Variants in GLIS3 observed in about 807,000 individuals in gnomAD.
GLIS3 encodes the protein zinc finger protein GLIS3.
Under a neutral mutation model 78.6 loss-of-function variants are expected in GLIS3, and 53 were observed. The ratio of observed to expected loss-of-function variants is 0.67; its 90% CI spans 0.54 to 0.85. GLIS3 has a LOEUF of 0.85. GLIS3 is among the 40% of genes least tolerant of loss of function. GLIS3 has a pLI of 0.00. For missense variants in GLIS3, 1,703 were observed against 1,231.1 expected, an observed-to-expected ratio of 1.38 and a Z score of -5.74; for synonymous variants, 684 against 509.9, an observed-to-expected ratio of 1.34 and a Z score of -4.60.
intron 2 of GLIS3, among the ~76,000 whole-genome samples, chr9:4,328,535 A>G (rs535366382): frequency 2.0e-5 from 3 of 152,220 alleles, no homozygotes; most frequent in Admixed American, 6.5e-5. Flanking sequence ...GCCCCTCCAT[A>G]AAGGGGAAAT....
At chr9:4,179,974 T>C (rs1172833848) in intron 2 of GLIS3, among the ~76,000 whole-genome samples, 2 of 152,066 alleles carry the variant, frequency 1.3e-5, no homozygotes, top group Non-Finnish European at 2.9e-5. Flanking sequence ...GGCTGGAAAT[T>C]CAAACTTGAT....
chr9:4,276,479 GAGGGA>G (rs1338753918), intron 2 of GLIS3, among the ~76,000 whole-genome samples: 6 of 10,476 alleles, frequency 5.7e-4, no homozygotes, highest in South Asian at 7.5e-3. Flanking sequence ...GACGGGAGGG[GAGGGA>G]AGGGGACGGG....
chr9:4,279,322 T>TAA (rs1363480768), intron 2 of GLIS3, among the ~76,000 whole-genome samples: 2 of 51,950 alleles, frequency 3.8e-5, no homozygotes, highest in Non-Finnish European at 7.0e-5. Flanking sequence ...AAAATATATA[T>TAA]ATACACACAC....
chr9:4,160,687 CA>C (rs1835405409), intron 2 of GLIS3, among the ~76,000 whole-genome samples: 1 of 152,190 alleles, frequency 6.6e-6, no homozygotes, highest in Admixed American at 6.5e-5. Context: ...ATTACAATTT[CA>C]ATATTTATCC....
chr9:4,324,936 A>T (rs1817579825), intron 2 of GLIS3, among the ~76,000 whole-genome samples: 1 of 152,234 alleles, frequency 6.6e-6, no homozygotes, highest in Admixed American at 6.5e-5. Flanking sequence ...AGCAGTTAAC[A>T]TTTACTGAGA....
chr9:4,447,405 A>G, the GLIS3 span, among the ~76,000 whole-genome samples: 31,741 of 151,842 alleles, frequency 0.21, 3,467 homozygotes, highest in Middle Eastern at 0.3. Context: ...TTCAAATCTT[A>G]TTTCTACCAG....
chr9:4,027,865 C>T (rs538839920), intron 4 of GLIS3, among the ~76,000 whole-genome samples: 2 of 152,278 alleles, frequency 1.3e-5, no homozygotes, highest in South Asian at 4.2e-4. Flanking sequence ...AGCTAATAGG[C>T]CATCAATCTG....
intron 2 of GLIS3, among the ~76,000 whole-genome samples, chr9:4,241,729 C>G (rs1231957991): frequency 6.6e-6 from 1 of 152,116 alleles, no homozygotes; most frequent in Non-Finnish European, 1.5e-5. Flanking sequence ...AATGTCCAGG[C>G]TGGAATGCAG....
At chr9:3,900,038 C>T (rs554334857) in intron 6 of GLIS3, among the ~76,000 whole-genome samples, 1 of 152,056 alleles carries the variant, frequency 6.6e-6, no homozygotes, top group East Asian at 1.9e-4. Flanking sequence ...AACCTGCCTA[C>T]CCTGTGGTTG....
intron 4 of GLIS3, among the ~76,000 whole-genome samples, chr9:4,096,339 C>T (rs1228597269): frequency 6.6e-6 from 1 of 152,182 alleles, no homozygotes; most frequent in Non-Finnish European, 1.5e-5. Flanking sequence ...ATCACTCCTA[C>T]ATAGTCCAGG....
At chr9:4,037,076 C>G (rs956699549) in intron 4 of GLIS3, among the ~76,000 whole-genome samples, 1 of 152,200 alleles carries the variant, frequency 6.6e-6, no homozygotes, top group African/African-American at 2.4e-5. Context: ...ACCCCACTCT[C>G]TGAGCACCAG....
chr9:3,859,176 G>C (rs1751729416), intron 8 of GLIS3, among the ~76,000 whole-genome samples: 1 of 152,122 alleles, frequency 6.6e-6, no homozygotes. Context: ...AAGCTAACAA[G>C]TAGTCTGAGG....
intron 2 of GLIS3, among the ~76,000 whole-genome samples, chr9:4,282,372 G>T (rs997044520): frequency 3.9e-5 from 6 of 152,152 alleles, no homozygotes; most frequent in African/African-American, 1.4e-4. Context: ...TCAGTACACT[G>T]AGTAAAACAT....
chr9:4,433,360 A>T, the GLIS3 span, among the ~76,000 whole-genome samples: 1 of 152,142 alleles, frequency 6.6e-6, no homozygotes, highest in African/African-American at 2.4e-5. Context: ...TGACCCCAGA[A>T]GGCAAAAGTT....
intron 4 of GLIS3, among the ~76,000 whole-genome samples, chr9:3,982,909 G>C (rs1819420524): frequency 1.3e-5 from 2 of 152,174 alleles, no homozygotes; most frequent in African/African-American, 4.8e-5. Context: ...CACAAATGAA[G>C]CCATAATTCC....
chr9:4,037,547 AAC>A (rs56254712), intron 4 of GLIS3, among the ~76,000 whole-genome samples: 58,450 of 147,318 alleles, frequency 0.4, 13,021 homozygotes, highest in Middle Eastern at 0.56. Context: ...GTGTGCACAC[AAC>A]ACACACACAC....
intron 2 of GLIS3, among the ~76,000 whole-genome samples, chr9:4,180,087 T>C (rs778024894): frequency 1.2e-4 from 18 of 152,074 alleles, no homozygotes; most frequent in Non-Finnish European, 1.9e-4. Context: ...AAGTTATCAA[T>C]GGTTACCTAT....
intron 4 of GLIS3, among the ~76,000 whole-genome samples, chr9:4,014,945 G>A (rs1210116771): frequency 6.6e-6 from 1 of 152,154 alleles, no homozygotes; most frequent in Non-Finnish European, 1.5e-5. Flanking sequence ...CCAGACTCTG[G>A]AAATGATTAA....
chr9:3,887,074 T>C (rs1311913198), intron 7 of GLIS3, among the ~76,000 whole-genome samples: 1 of 152,200 alleles, frequency 6.6e-6, no homozygotes, highest in Non-Finnish European at 1.5e-5. Flanking sequence ...CCTTGTGGCA[T>C]GAAAACTTTT....
Sources: gnomAD v4.1 joint callset for allele counts (sites outside exome capture counted in the v4.1 genomes callset) on GRCh38, gnomAD v4.1.1 for gene constraint, MANE v1.5 for transcripts, NCBI Gene and HGNC (gene_info 2026-07-23, HGNC 2026-07-21) for gene names.